Variants in GOLM1 observed in about 807,000 individuals in gnomAD.
The protein encoded by GOLM1 is epididymis luminal protein 46.
A neutral mutation model predicts 50.5 loss-of-function variants in GOLM1; 31 were observed. That is an observed-to-expected ratio of 0.61 (90% CI 0.46 to 0.83). The LOEUF (loss-of-function observed/expected upper bound fraction) is 0.83. GOLM1 is among the 40% of genes least tolerant of loss of function. GOLM1 has a pLI of 0.00. For missense variants in GOLM1, 491 were observed against 501.3 expected (o/e 0.98, Z 0.20); for synonymous variants, 178 against 192.8 (o/e 0.92, Z 0.64).
chr9:86,089,913 A>G (rs1284769937), intron 1 of GOLM1, among the ~76,000 whole-genome samples: 3 of 151,952 alleles, frequency 2.0e-5, no homozygotes, highest in Non-Finnish European at 1.5e-5. Context: ...TTGGTCTTTG[A>G]TATTGGTGAA....
chr9:86,033,398 GT>G lies in GOLM1; in HGVS notation c.1016-4del. 1 of 1,548,012 alleles carries G rather than the reference GT, an allele frequency of 6.5e-7. No homozygotes were observed. The highest frequency in any genetic ancestry group is 8.9e-7 in the Non-Finnish European group (1 of 1,119,782). Reference sequence around the variant, plus strand: ...TCTCAGTTTCTGCTGGTTTCTCCCTGTAAAATTAGCACATAAAACATAAGCT... The same window carrying G: ...TCTCAGTTTCTGCTGGTTTCTCCCTGAAAATTAGCACATAAAACATAAGCT... On this transcript the variant is annotated splice_region_variant and splice_polypyrimidine_tract_variant and intron_variant, in intron 8 of 9. Transcript: ENST00000388712.
rs1016831945 is a variant in GOLM1 at position 86,085,461 on chromosome 9, T to G, written c.-21-6120A>C. 7.9e-5 allele frequency among the ~76,000 whole-genome samples: 12 copies of G among 151,222 alleles called. 1 individual carries two copies. The highest frequency in any genetic ancestry group is 2.7e-4 in the African/African-American group (11 of 41,256). On this transcript the variant is annotated intron_variant, in intron 1 of 9. Transcript: ENST00000388712. The stretch of plus-strand genomic sequence containing the variant: ...TTTTGCCCAAAGTTTTTGTTTTTTT[T>G]TTTTTTTTTGAAGGTTCTACTTTTT...
intron 1 of GOLM1, among the ~76,000 whole-genome samples, chr9:86,095,449 T>C (rs1005837382): frequency 6.6e-6 from 1 of 151,436 alleles, no homozygotes; most frequent in Non-Finnish European, 1.5e-5. Flanking sequence ...GGTTTCACCA[T>C]GTTGGCCAGG....
Position 86,026,492 on chromosome 9 carries a change from A to G in GOLM1, c.*1325T>C. 1 of 908,428 alleles carries G rather than the reference A, an allele frequency of 1.1e-6. No individual in the cohort carries two copies. 56.3% of individuals were successfully genotyped at this position (908,428 alleles called of 1,614,324 possible). Reference sequence around the variant, plus strand: ...TGTGTGAGGCCAGGGGTGCCAGCGCACCAGCTAGATGCTCTGTAACTTCTA... The same window carrying G: ...TGTGTGAGGCCAGGGGTGCCAGCGCGCCAGCTAGATGCTCTGTAACTTCTA... On this transcript the variant is annotated 3_prime_UTR_variant, in exon 10 of 10. Transcript: ENST00000388712.
At chr9:86,077,816 C>T (rs560668480) in intron 2 of GOLM1, 27 of 504,622 alleles carry the variant, frequency 5.4e-5, no homozygotes, top group African/African-American at 1.1e-4. Context: ...TGTGCACTCA[C>T]ACCACACTTC....
chr9:86,091,682 C>T (rs1380647542), intron 1 of GOLM1, among the ~76,000 whole-genome samples: 2 of 152,254 alleles, frequency 1.3e-5, no homozygotes, highest in East Asian at 1.9e-4. Context: ...CCTCAGTCTC[C>T]GAGTAGGCAC....
intron 3 of GOLM1, among the ~76,000 whole-genome samples, chr9:86,056,503 A>ATTT (rs1315629039): frequency 1.4e-5 from 1 of 72,520 alleles, no homozygotes; most frequent in African/African-American, 7.3e-5. Flanking sequence ...TTTTTATTTA[A>ATTT]ATTTTTTTTT....
At chr9:86,098,447 A>AT (rs1330682305) in intron 1 of GOLM1, among the ~76,000 whole-genome samples, 1 of 152,208 alleles carries the variant, frequency 6.6e-6, no homozygotes, top group African/African-American at 2.4e-5. Context: ...TCATCAGGTT[A>AT]TTGTGTATCT....
At chr9:86,079,845 A>T (rs1323515736) in intron 1 of GOLM1, 1 of 152,196 alleles carries the variant, frequency 6.6e-6, no homozygotes, top group Admixed American at 6.5e-5. Context: ...TTGATTCCTA[A>T]CAAGGGAGGT....
At chr9:86,033,583 TGGACTC>T (rs2118630957) in intron 8 of GOLM1, among the ~76,000 whole-genome samples, 188 bp from the exon 9 acceptor site, 1 of 152,274 alleles carries the variant, frequency 6.6e-6, no homozygotes, top group South Asian at 2.1e-4. Context: ...GTACTCCACT[TGGACTC>T]GGAATCTACA....
At chr9:86,096,462 CAGCATCA>C (rs1419427418) in intron 1 of GOLM1, among the ~76,000 whole-genome samples, 5 of 152,154 alleles carry the variant, frequency 3.3e-5, no homozygotes, top group Non-Finnish European at 7.4e-5. Flanking sequence ...CCCATATTAG[CAGCATCA>C]GCATTACCTT....
At chr9:86,095,832 C>G (rs1302758627) in intron 1 of GOLM1, among the ~76,000 whole-genome samples, 1 of 152,102 alleles carries the variant, frequency 6.6e-6, no homozygotes, top group Non-Finnish European at 1.5e-5. Context: ...AATTTGGATG[C>G]CATGAAGTGA....
At chr9:86,089,202 A>G (rs1835094937) in intron 1 of GOLM1, among the ~76,000 whole-genome samples, 1 of 151,884 alleles carries the variant, frequency 6.6e-6, no homozygotes, top group African/African-American at 2.4e-5. Context: ...TTTTTCCTTC[A>G]TTTCAACCTT....
intron 9 of GOLM1, among the ~76,000 whole-genome samples, chr9:86,032,511 T>C (rs1448331116): frequency 1.3e-5 from 2 of 152,152 alleles, no homozygotes; most frequent in African/African-American, 2.4e-5. Context: ...TCCATAGTGA[T>C]ACCAAAACAA....
At chr9:86,063,906 C>T (rs772376777) in intron 3 of GOLM1, among the ~76,000 whole-genome samples, 8 of 152,218 alleles carry the variant, frequency 5.3e-5, no homozygotes, top group Admixed American at 1.3e-4. Flanking sequence ...ATCCATGCCT[C>T]GTCTGGTCAG....
rs556070113 is a variant in GOLM1, at chr9:86,078,382, G to A, written c.130-791C>T. Among the ~76,000 whole-genome samples, 5 of 152,276 alleles carry A rather than the reference G, an allele frequency of 3.3e-5. No individual in the cohort carries two copies. In the South Asian group the frequency reaches 6.2e-4, roughly 19 times the overall value. On this transcript the variant is annotated intron_variant, in intron 2 of 9. Coordinates refer to ENST00000388712, the MANE Select transcript of GOLM1 (RefSeq NM_016548.4). ...AGACAGCTAGGGATTTATAGCCAAC[G>A]AGCACAGTGCGGGGAGTCAGTGGAT...
At position 86,035,496 on chromosome 9, in the gene GOLM1, A is replaced by T. The variant is rs1486858485; in HGVS notation, c.887T>A (p.Leu296Gln). 1 of 1,613,338 alleles carries T rather than the reference A, an allele frequency of 6.2e-7. No homozygotes were observed. The highest frequency in any genetic ancestry group is 1.7e-5 in the Admixed American group (1 of 59,996). ...AGCCTGCACCTGTGGGGTCTGGCCC[A>T]GTTCTCCGGCTCCCCCGAAGCCTCT... ...GGRGFGGAGE[L>Q]GQTPQVQAAL... The change falls in exon 8 of 10, where the codon CTG (leucine) becomes CAG (glutamine). Residue 296 changes from leucine to glutamine, a missense_variant. Transcript: ENST00000388712.
chr9:86,034,801 A>G (rs545358316), intron 8 of GOLM1, among the ~76,000 whole-genome samples: 121 of 152,304 alleles, frequency 7.9e-4, no homozygotes, highest in African/African-American at 2.8e-3. Flanking sequence ...GACATTTTCC[A>G]TATCTGAAGG....
intron 4 of GOLM1, among the ~76,000 whole-genome samples, chr9:86,051,110 T>A (rs377188784): frequency 5.9e-4 from 90 of 152,218 alleles, no homozygotes; most frequent in Non-Finnish European, 1.1e-3. Context: ...TCTGCCTTCA[T>A]TTAGTTATGT....
Sources: allele counts gnomAD v4.1 joint callset (sites outside exome capture counted in the v4.1 genomes callset), GRCh38; gene constraint gnomAD v4.1.1; transcripts MANE v1.5; gene names NCBI Gene and HGNC (gene_info 2026-07-23, HGNC 2026-07-21).